BPIFB4: variants seen among roughly 807,000 people sequenced by gnomAD.
BPIFB4 encodes the protein BPI fold containing family B member 4, also known as BPI fold-containing family B member 4.
Under a neutral mutation model 69.2 loss-of-function variants are expected in BPIFB4, and 62 were observed. The observed-to-expected ratio is 0.90, with a 90% CI of 0.73 to 1.11. The LOEUF is 1.11. Ranked by LOEUF, BPIFB4 falls within the 50% of genes least tolerant of loss-of-function variation. BPIFB4 has a pLI of 0.00. For synonymous variants in BPIFB4, 330 were observed against 332.7 expected, an observed-to-expected ratio of 0.99 and a Z score of 0.09; for missense variants, 789 against 792.0, an observed-to-expected ratio of 1.00 and a Z score of 0.04.
At chr20:33,085,170 C>T (rs566055279) in intron 6 of BPIFB4, among the ~76,000 whole-genome samples, 174 bp downstream of exon 6, 1 of 152,206 alleles carries the variant, frequency 6.6e-6, no homozygotes, top group East Asian at 1.9e-4. Flanking sequence ...ATCTGGGAGG[C>T]TGGGCTGGGA....
chr20:33,096,272 T>C (rs965641869), intron 12 of BPIFB4, among the ~76,000 whole-genome samples: 6 of 152,064 alleles, frequency 3.9e-5, no homozygotes, highest in African/African-American at 1.4e-4. Context: ...TTTTTTAGAG[T>C]ATACTTTTTC....
Position 33,081,560 on chromosome 20 carries a change from G to A in BPIFB4, c.34G>A (p.Val12Met). The change falls in exon 3 of 18, where the codon GTG (valine) becomes ATG (methionine). Residue 12 changes from valine to methionine, a missense_variant. Transcript: ENST00000375483. Reference protein sequence around the residue: ...WMAWCVAALSVVAVCGTSHET... With the variant: ...WMAWCVAALSMVAVCGTSHET... ...GGCCTGGTGTGTGGCTGCGCTGTCT[G>A]TGGTGGCTGTGTGTGGCACCAGCCA... 1 of 1,551,732 alleles carries A rather than the reference G, an allele frequency of 6.4e-7. No individual in the cohort carries two copies. The highest frequency in any genetic ancestry group is 8.7e-7 in the Non-Finnish European group (1 of 1,147,008).
chr20:33,107,637 A>G (rs1982106781), intron 16 of BPIFB4, 107 bp from the exon 17 acceptor site: 1 of 857,152 alleles, frequency 1.2e-6, no homozygotes, highest in Non-Finnish European at 1.9e-6. Flanking sequence ...CTCTGTCTCA[A>G]AAAAAGAAAA....
rs138349853 is a variant in BPIFB4, at chr20:33,099,547, G to A, written c.1570-879G>A. ...TGGTCCCTTTTCACTGCAGCCTCACGAACCCTTTTACCTCCTTGCTCTCTG... is the reference window on the plus strand; with the variant it reads ...TGGTCCCTTTTCACTGCAGCCTCACAAACCCTTTTACCTCCTTGCTCTCTG... On this transcript the variant is annotated intron_variant, in intron 13 of 17. Transcript: ENST00000375483. 3.9e-3 allele frequency among the ~76,000 whole-genome samples: 596 copies of A among 152,150 alleles called. 2 individuals are homozygous for A. Among genetic ancestry groups the A allele is most frequent in the African/African-American group, 0.013 (554 of 41,508 alleles).
chr20:33,104,916 G>GGT, intron 16 of BPIFB4, 43 bp downstream of exon 16: 1 of 1,584,900 alleles, frequency 6.3e-7, no homozygotes, highest in Non-Finnish European at 8.7e-7. Context: ...TTGTGGCTTG[G>GGT]GTACTGGGGG....
intron 13 of BPIFB4, 105 bp from the exon 14 acceptor site, chr20:33,100,321 A>G: frequency 1.1e-6 from 1 of 915,300 alleles, no homozygotes; most frequent in Non-Finnish European, 1.7e-6. Flanking sequence ...CATCATGCTC[A>G]GGGTTAACGA....
chr20:33,087,447 T>C (rs1228292043), intron 7 of BPIFB4, among the ~76,000 whole-genome samples: 3 of 152,214 alleles, frequency 2.0e-5, no homozygotes, highest in East Asian at 3.8e-4. Flanking sequence ...TGGGAGAATT[T>C]TCTGCATCCA....
rs925993533 is a variant in BPIFB4 at position 33,103,157 on chromosome 20, T to C, written c.1680+143T>C. 3.3e-6 allele frequency: 3 copies of C among 921,888 alleles called. No individual in the cohort carries two copies. In the Admixed American group the frequency reaches 5.6e-5, roughly 17 times the overall value. The allele number at this position is 921,888 out of a possible 1,614,324, so 57.1% of individuals were successfully genotyped here. Reference sequence around the variant, plus strand: ...GTGCTCCCGTCAACACTATCAGCCCTCATTTTGCAGATGGACAGATGTAGA... The same window carrying C: ...GTGCTCCCGTCAACACTATCAGCCCCCATTTTGCAGATGGACAGATGTAGA... On this transcript the variant is annotated intron_variant, in intron 15 of 17. Transcript: ENST00000375483.
At chr20:33,087,162 T>C (rs1981455316) in intron 7 of BPIFB4, among the ~76,000 whole-genome samples, 1 of 152,144 alleles carries the variant, frequency 6.6e-6, no homozygotes, top group Non-Finnish European at 1.5e-5. Flanking sequence ...ATTTTTAAAT[T>C]CACATTTTCA....
At chr20:33,100,333 G>T in intron 13 of BPIFB4, 93 bp from the exon 14 acceptor site, 2 of 1,093,220 alleles carry the variant, frequency 1.8e-6, no homozygotes, top group Admixed American at 1.9e-5. Context: ...GGTTAACGAA[G>T]CCCTAGCTAG....
At chr20:33,099,733 C>T (rs1488626849) in intron 13 of BPIFB4, among the ~76,000 whole-genome samples, 1 of 152,188 alleles carries the variant, frequency 6.6e-6, no homozygotes, top group African/African-American at 2.4e-5. Context: ...CACCAGCTTA[C>T]ACCCCTGGCA....
At chr20:33,085,991 T>A (rs760063308) in intron 6 of BPIFB4, 30 bp from the exon 7 acceptor site, 1 of 1,588,094 alleles carries the variant, frequency 6.3e-7, no homozygotes, top group Non-Finnish European at 8.6e-7. Context: ...GGGTGACTCA[T>A]GGTCTCCCTG....
Position 33,111,579 on chromosome 20 carries a change from C to G in BPIFB4, c.*142C>G, listed in dbSNP as rs915477557. On this transcript the variant is annotated 3_prime_UTR_variant, in exon 18 of 18. Coordinates refer to ENST00000375483, the MANE Select transcript of BPIFB4 (RefSeq NM_182519.3). ...CCTGGCCCCCCAACCCTCTTCCTCCCTTGCCCCAACCCTGAGAAAGGGTCC... is the reference window on the plus strand; with the variant it reads ...CCTGGCCCCCCAACCCTCTTCCTCCGTTGCCCCAACCCTGAGAAAGGGTCC... The G allele has an allele frequency of 2.0e-6, 2 of 1,010,778 alleles. No homozygotes were observed. The highest frequency in any genetic ancestry group is 3.2e-5 in the African/African-American group (2 of 62,612). The allele number at this position is 1,010,778 out of a possible 1,614,324, so 62.6% of individuals were successfully genotyped here.
chr20:33,088,801 T>G (rs946789623), intron 7 of BPIFB4, among the ~76,000 whole-genome samples, 165 bp from the exon 8 acceptor site: 4 of 152,192 alleles, frequency 2.6e-5, no homozygotes, highest in Non-Finnish European at 4.4e-5. Context: ...GCCTGTCTAG[T>G]CAGTCCAAGG....
chr20:33,109,205 C>T (rs186782102), intron 17 of BPIFB4, among the ~76,000 whole-genome samples: 35 of 152,208 alleles, frequency 2.3e-4, no homozygotes, highest in Admixed American at 2.0e-3. Flanking sequence ...AGAAATTAAA[C>T]GAGATACAGC....
At chr20:33,108,400 A>T (rs1036110105) in intron 17 of BPIFB4, among the ~76,000 whole-genome samples, 171 of 85,240 alleles carry the variant, frequency 2.0e-3, no homozygotes, top group African/African-American at 8.3e-3. Context: ...ATTAAAAAAA[A>T]GTATGCATCC....
Position 33,089,038 on chromosome 20 carries a change from C to T in BPIFB4, c.990+9C>T. On this transcript the variant is annotated intron_variant, in intron 8 of 17. Coordinates refer to ENST00000375483, the MANE Select transcript of BPIFB4 (RefSeq NM_182519.3). ...ACGTCCTCCCTGACTTGGTAAGAAG[C>T]TGTCCCAGTATGGGAGCAAGGGGCA... The T allele has an allele frequency of 6.2e-7, 1 of 1,613,862 alleles. No homozygotes were observed. The highest frequency in any genetic ancestry group is 8.5e-7 in the Non-Finnish European group (1 of 1,179,798).
chr20:33,103,393 C>A (rs969853911), intron 15 of BPIFB4, among the ~76,000 whole-genome samples: 1 of 152,200 alleles, frequency 6.6e-6, no homozygotes, highest in Non-Finnish European at 1.5e-5. Context: ...TCCTGTGTGA[C>A]CTTGAGCGAT....
In BPIFB4 at chr20:33,090,730, G is replaced by A. The variant is rs925139807; in HGVS notation, c.1074G>A (p.Leu358=). 3 of 1,614,176 alleles carry A rather than the reference G, an allele frequency of 1.9e-6. No individual in the cohort carries two copies. Among genetic ancestry groups the A allele is most frequent in the East Asian group, 4.5e-5 (2 of 44,874 alleles). The stretch of plus-strand genomic sequence containing the variant: ...CAGCTCTGATTCCTCTGGGGATATT[G>A]GGAAGTGTCCAGTACACCTTCTCCA... ...LVDSLIPLGI[L]GSVQYTFSSL... The change falls in exon 10 of 18, where the codon TTG becomes TTA. Residue 358 remains leucine, a synonymous_variant. Transcript: ENST00000375483.
Sources: allele counts gnomAD v4.1 joint callset (sites outside exome capture counted in the v4.1 genomes callset), GRCh38; gene constraint gnomAD v4.1.1; transcripts MANE v1.5; gene names NCBI Gene and HGNC (gene_info 2026-07-23, HGNC 2026-07-21).